ITFG1: variants seen among roughly 807,000 people sequenced by gnomAD.
ITFG1 encodes integrin alpha FG-GAP repeat containing 1.
In ITFG1, 34 loss-of-function variants were observed where a neutral mutation model predicts 81.8. That is an observed-to-expected ratio of 0.42 (90% confidence interval 0.32 to 0.55). The LOEUF (loss-of-function observed/expected upper bound fraction) is 0.55, where lower values mean the gene tolerates loss of function less well. ITFG1 is among the 20% of genes least tolerant of loss of function. ITFG1 has a pLI of 0.17. For missense variants in ITFG1, 672 were observed against 755.4 expected, an observed-to-expected ratio of 0.89 and a Z score of 1.29; for synonymous variants, 285 against 270.6, an observed-to-expected ratio of 1.05 and a Z score of -0.52.
chr16:47,331,683 T>A (rs960400283), intron 8 of ITFG1, among the ~76,000 whole-genome samples: 3 of 152,148 alleles, frequency 2.0e-5, no homozygotes, highest in African/African-American at 4.8e-5. Flanking sequence ...AGTTTAAAAG[T>A]AAAAGAAGGG....
Position 47,404,105 on chromosome 16 carries a change from T to C in ITFG1, c.655+24699A>G, listed in dbSNP as rs144551942. On this transcript the variant is annotated intron_variant, in intron 6 of 17. Coordinates refer to ENST00000320640, the MANE Select transcript of ITFG1 (RefSeq NM_030790.5). ...CACCTAGGCCTCGTCTGTGGAAAAA[T>C]AGTCTATCAAGAACCATTCTCTGGG... Among the ~76,000 whole-genome samples the C allele has an allele frequency of 9.0e-4, 137 of 151,950 alleles. 3 individuals carry two copies. The highest frequency in any genetic ancestry group is 3.4e-3 in the Middle Eastern group (1 of 294).
chr16:47,441,782 C>T (rs1969254492), intron 5 of ITFG1, among the ~76,000 whole-genome samples: 1 of 152,074 alleles, frequency 6.6e-6, no homozygotes, highest in African/African-American at 2.4e-5. Context: ...GACAGGGATG[C>T]CCTCTCTCAC....
At chr16:47,302,645 GATAA>G (rs1395892925) in intron 10 of ITFG1, among the ~76,000 whole-genome samples, 2 of 152,120 alleles carry the variant, frequency 1.3e-5, no homozygotes, top group African/African-American at 4.8e-5. Context: ...AGAAATTAAA[GATAA>G]ATAAAGCCTA....
At chr16:47,233,415 C>T (rs977930736) in intron 13 of ITFG1, among the ~76,000 whole-genome samples, 2 of 152,114 alleles carry the variant, frequency 1.3e-5, no homozygotes, top group African/African-American at 2.4e-5. Flanking sequence ...GTTCAAAACT[C>T]CAAGGGTTCA....
intron 6 of ITFG1, chr16:47,426,040 T>C (rs1969017248): frequency 6.6e-6 from 1 of 152,188 alleles, no homozygotes; most frequent in African/African-American, 2.4e-5. Flanking sequence ...CTCTTTTTTA[T>C]TTGTGTGTCT....
chr16:47,415,843 C>CA, intron 6 of ITFG1, among the ~76,000 whole-genome samples: 1 of 152,218 alleles, frequency 6.6e-6, no homozygotes, highest in East Asian at 1.9e-4. Flanking sequence ...CCTATAACCC[C>CA]AGCACTTTGG....
chr16:47,427,746 C>T (rs887544898), intron 6 of ITFG1, among the ~76,000 whole-genome samples: 5 of 152,178 alleles, frequency 3.3e-5, no homozygotes, highest in South Asian at 2.1e-4. Flanking sequence ...TTCTCTACTT[C>T]GGCATGAACC....
intron 17 of ITFG1, among the ~76,000 whole-genome samples, chr16:47,157,850 C>T (rs1233311909): frequency 6.6e-6 from 1 of 152,058 alleles, no homozygotes; most frequent in African/African-American, 2.4e-5. Flanking sequence ...AAGAAAAACA[C>T]CTTTCTTTGG....
intron 10 of ITFG1, among the ~76,000 whole-genome samples, chr16:47,274,702 A>C (rs1053382051): frequency 1.3e-5 from 2 of 152,136 alleles, no homozygotes; most frequent in Non-Finnish European, 2.9e-5. Flanking sequence ...TTTGTAGAAA[A>C]TACCACTAAT....
At chr16:47,355,602 C>T (rs1187972799) in intron 8 of ITFG1, among the ~76,000 whole-genome samples, 1 of 152,114 alleles carries the variant, frequency 6.6e-6, no homozygotes, top group Non-Finnish European at 1.5e-5. Context: ...GAACGTTACA[C>T]AATGTATACA....
At chr16:47,226,392 A>T (rs1965757241) in intron 13 of ITFG1, among the ~76,000 whole-genome samples, 1 of 152,074 alleles carries the variant, frequency 6.6e-6, no homozygotes, top group Admixed American at 6.5e-5. Context: ...GTATTTTTAT[A>T]TTAAGTTTTA....
intron 10 of ITFG1, among the ~76,000 whole-genome samples, chr16:47,282,285 T>A (rs1966458901): frequency 6.6e-6 from 1 of 152,030 alleles, no homozygotes; most frequent in African/African-American, 2.4e-5. Context: ...TCACTATTAC[T>A]CCATCCTCTA....
intron 8 of ITFG1, among the ~76,000 whole-genome samples, chr16:47,359,717 G>C (rs999676948): frequency 1.3e-5 from 2 of 152,172 alleles, no homozygotes; most frequent in African/African-American, 4.8e-5. Flanking sequence ...TGTTGCCTTA[G>C]AATCTTCACT....
chr16:47,287,058 G>A (rs1323266404), intron 10 of ITFG1, among the ~76,000 whole-genome samples: 1 of 152,162 alleles, frequency 6.6e-6, no homozygotes, highest in Non-Finnish European at 1.5e-5. Flanking sequence ...TCAATTGCTA[G>A]CTGCATTTGT....
At chr16:47,223,935 AATC>A (rs1221258547) in intron 13 of ITFG1, among the ~76,000 whole-genome samples, 4 of 152,044 alleles carry the variant, frequency 2.6e-5, no homozygotes, top group African/African-American at 9.7e-5. Context: ...TGAAATTGGA[AATC>A]ATCATTCTCA....
chr16:47,225,820 A>T (rs1229451988), intron 13 of ITFG1, among the ~76,000 whole-genome samples: 1 of 152,240 alleles, frequency 6.6e-6, no homozygotes, highest in Non-Finnish European at 1.5e-5. Context: ...CTGAAAGGAC[A>T]CTAGACAGTA....
At chr16:47,166,321 A>G (rs1964889380) in intron 14 of ITFG1, among the ~76,000 whole-genome samples, 2 of 152,270 alleles carry the variant, frequency 1.3e-5, no homozygotes, top group South Asian at 4.1e-4. Context: ...TTAAAAGTAT[A>G]AGGAGAATAA....
chr16:47,438,218 A>T (rs981153035), intron 5 of ITFG1, among the ~76,000 whole-genome samples: 1 of 152,218 alleles, frequency 6.6e-6, no homozygotes, highest in African/African-American at 2.4e-5. Context: ...CCACAGCTCA[A>T]GGAGGCCTGC....
intron 12 of ITFG1, among the ~76,000 whole-genome samples, chr16:47,248,182 T>C (rs1289991712): frequency 6.6e-6 from 1 of 152,202 alleles, no homozygotes; most frequent in Non-Finnish European, 1.5e-5. Flanking sequence ...ATAGATTCTA[T>C]CATTCTGGAT....
Sources: gnomAD v4.1 joint callset for allele counts (sites outside exome capture counted in the v4.1 genomes callset) on GRCh38, gnomAD v4.1.1 for gene constraint, MANE v1.5 for transcripts, NCBI Gene and HGNC (gene_info 2026-07-23, HGNC 2026-07-21) for gene names.